PEX13: variants seen among roughly 807,000 people sequenced by gnomAD.
PEX13 encodes peroxisomal biogenesis factor 13.
A neutral mutation model predicts 34.5 loss-of-function variants in PEX13; 28 were observed. That is an observed-to-expected ratio of 0.81 (90% CI 0.60 to 1.11). The LOEUF (loss-of-function observed/expected upper bound fraction) is 1.11. Among genes scored for constraint, PEX13 ranks in the 50% most tolerant of loss-of-function variants. The pLI is 0.00. For missense variants in PEX13, 550 were observed against 491.0 expected, an observed-to-expected ratio of 1.12 and a Z score of -1.13; for synonymous variants, 177 against 175.1, an observed-to-expected ratio of 1.01 and a Z score of -0.09.
rs886056212 is a variant in PEX13 at position 61,051,810 on chromosome 2, AT to A, written c.*3044del. 19 of 152,450 alleles carry A rather than the reference AT, an allele frequency of 1.2e-4. No homozygotes were observed. The highest frequency in any genetic ancestry group is 2.6e-4 in the Non-Finnish European group (18 of 68,014). 9.4% of individuals were successfully genotyped at this position (152,450 alleles called of 1,614,324 possible). A position where few individuals can be genotyped will look rare whatever the true frequency, so the allele number is the denominator to read the frequency against. Reference sequence around the variant, plus strand: ...GAACTATACATTTTCATGTTTTAACATTTTATGTACGTACTTGATTCTGTCT... The same window carrying A: ...GAACTATACATTTTCATGTTTTAACATTTATGTACGTACTTGATTCTGTCT... On this transcript the variant is annotated 3_prime_UTR_variant, in exon 4 of 4. Transcript: ENST00000295030.
intron 1 of PEX13, 124 bp downstream of exon 1, chr2:61,017,975 G>A: frequency 1.5e-6 from 2 of 1,322,188 alleles, no homozygotes; most frequent in Non-Finnish European, 2.1e-6. Flanking sequence ...CCAACCTTGG[G>A]GATAGGGGCC....
At chr2:61,035,971 G>A (rs561202292) in intron 2 of PEX13, among the ~76,000 whole-genome samples, 11 of 136,226 alleles carry the variant, frequency 8.1e-5, no homozygotes, top group South Asian at 4.7e-4. Context: ...CAACAAGAGC[G>A]AAACTCCATC....
rs1292002618 is a variant in PEX13 at position 61,024,525 on chromosome 2, T to C, written c.92+6674T>C. On this transcript the variant is annotated intron_variant, in intron 1 of 3. Transcript: ENST00000295030. ...TCTAATCTGGTATTAAACCAGTCAT[T>C]GAGGCCGGGTGCAGTGGCTCATGCC... 5.9e-5 allele frequency among the ~76,000 whole-genome samples: 9 copies of C among 152,306 alleles called. No individual in the cohort carries two copies. In the South Asian group the frequency reaches 1.2e-3, roughly 21 times the overall value.
chr2:61,032,049 T>G lies in PEX13; in HGVS notation c.723T>G (p.Ala241=), dbSNP rs1205501080. The G allele has an allele frequency of 6.2e-7, 1 of 1,613,920 alleles. No homozygotes were observed. The highest frequency in any genetic ancestry group is 1.1e-5 in the South Asian group (1 of 91,040). Reference sequence around the variant, plus strand: ...CTTGGCCAATATTCTTGTTCTTTGCTGTTATCCTTGGTGGTCCTTACCTCA... The same window carrying G: ...CTTGGCCAATATTCTTGTTCTTTGCGGTTATCCTTGGTGGTCCTTACCTCA... The part of the protein sequence containing the change: ...AKSWPIFLFF[A]VILGGPYLIW... The change falls in exon 2 of 4, where the codon GCT becomes GCG. Residue 241 remains alanine, a synonymous_variant. Transcript: ENST00000295030.
Position 61,049,637 on chromosome 2 carries a change from G to A in PEX13, c.*867G>A, listed in dbSNP as rs1285938151. 6.6e-6 allele frequency: 1 copy of A among 152,292 alleles called. No individual in the cohort carries two copies. The highest frequency in any genetic ancestry group is 1.9e-4 in the East Asian group (1 of 5,202). 9.4% of individuals were successfully genotyped at this position (152,292 alleles called of 1,614,324 possible). ...AAAAATACAAAATTAGCTAGGTGTG[G>A]TGGCACATGCCTGTAATCCCAGCTA... is the stretch of plus-strand genomic sequence containing the variant. On this transcript the variant is annotated 3_prime_UTR_variant, in exon 4 of 4. Coordinates refer to ENST00000295030, the MANE Select transcript of PEX13 (RefSeq NM_002618.4).
At chr2:61,045,609 T>G (rs1228914174) in intron 2 of PEX13, 117 bp from the exon 3 acceptor site, 2 of 773,478 alleles carry the variant, frequency 2.6e-6, no homozygotes, top group Admixed American at 2.1e-5. Context: ...TAGTTTTTAC[T>G]TGGGAGGGGA....
chr2:61,048,915 C>T lies in PEX13; in HGVS notation c.*145C>T, dbSNP rs929021678. 1 of 706,998 alleles carries T rather than the reference C, an allele frequency of 1.4e-6. No homozygotes were observed. The highest frequency in any genetic ancestry group is 1.8e-5 in the African/African-American group (1 of 56,368). 43.8% of individuals were successfully genotyped at this position (706,998 alleles called of 1,614,324 possible). A position where few individuals can be genotyped will look rare whatever the true frequency, so the allele number is the denominator to read the frequency against. On this transcript the variant is annotated 3_prime_UTR_variant, in exon 4 of 4. Coordinates refer to ENST00000295030, the MANE Select transcript of PEX13 (RefSeq NM_002618.4). ...TTGCTGCTAGAAATTATTAAAGTTA[C>T]ACACTAGTATGTTGGTCTGGTGACC...
intron 1 of PEX13, among the ~76,000 whole-genome samples, chr2:61,025,293 AC>A (rs1330429209): frequency 6.7e-6 from 1 of 149,396 alleles, no homozygotes; most frequent in Non-Finnish European, 1.5e-5. Flanking sequence ...CTGGTCTTGA[AC>A]TCCTGACCTC....
At chr2:61,030,538 A>C (rs1573552711) in intron 1 of PEX13, among the ~76,000 whole-genome samples, 1 of 152,230 alleles carries the variant, frequency 6.6e-6, no homozygotes, top group Non-Finnish European at 1.5e-5. Context: ...AAGCACAGGA[A>C]TGCTGTAGTG....
At chr2:61,027,769 C>G (rs904856724) in intron 1 of PEX13, among the ~76,000 whole-genome samples, 2 of 152,132 alleles carry the variant, frequency 1.3e-5, no homozygotes, top group African/African-American at 4.8e-5. Context: ...GTTTGTTTGT[C>G]TCTCTGTTTT....
At chr2:61,039,199 C>G (rs187495959) in intron 2 of PEX13, among the ~76,000 whole-genome samples, 4 of 152,226 alleles carry the variant, frequency 2.6e-5, no homozygotes, top group African/African-American at 9.6e-5. Context: ...AATGCTATCC[C>G]CATCAAGCTA....
At chr2:61,040,822 A>AATATATGTGTATATATATAAAAAAGTAT (rs1680613061) in intron 2 of PEX13, among the ~76,000 whole-genome samples, 2 of 147,974 alleles carry the variant, frequency 1.4e-5, no homozygotes, top group Admixed American at 6.8e-5. Flanking sequence ...GTATATATAT[A>AATATATGTGTATATATATAAAAAAGTAT]ATATATGTGT....
chr2:61,018,362 C>T, intron 1 of PEX13: 2 of 1,489,706 alleles, frequency 1.3e-6, no homozygotes, highest in Non-Finnish European at 1.8e-6. Flanking sequence ...ATAACTCAGC[C>T]AGTGTTTCGG....
At chr2:61,030,074 C>G (rs536504305) in intron 1 of PEX13, among the ~76,000 whole-genome samples, 8 of 152,160 alleles carry the variant, frequency 5.3e-5, no homozygotes, top group Admixed American at 2.6e-4. Flanking sequence ...ACCACTCCCC[C>G]ACAGATACCA....
intron 1 of PEX13, among the ~76,000 whole-genome samples, chr2:61,029,286 A>G (rs1330271565): frequency 2.0e-5 from 3 of 152,208 alleles, no homozygotes; most frequent in African/African-American, 7.2e-5. Flanking sequence ...TTAAAACCAC[A>G]GTGAAATACC....
chr2:61,048,171 T>C (rs1680738432), intron 3 of PEX13, among the ~76,000 whole-genome samples: 1 of 152,232 alleles, frequency 6.6e-6, no homozygotes, highest in Non-Finnish European at 1.5e-5. Flanking sequence ...AAGACATTGA[T>C]GTTAGTTTTC....
chr2:61,017,920 A>G, intron 1 of PEX13, 69 bp downstream of exon 1: 1 of 1,469,998 alleles, frequency 6.8e-7, no homozygotes. Context: ...AGGCGGTTGT[A>G]GCGGTTGTTA....
chr2:61,019,404 A>G (rs1055482849), intron 1 of PEX13, among the ~76,000 whole-genome samples: 2 of 151,758 alleles, frequency 1.3e-5, no homozygotes, highest in African/African-American at 4.8e-5. Flanking sequence ...TTTATGTTCA[A>G]TTTTTTGTAC....
intron 1 of PEX13, among the ~76,000 whole-genome samples, chr2:61,027,658 A>G (rs913653682): frequency 1.3e-5 from 2 of 152,242 alleles, no homozygotes; most frequent in Non-Finnish European, 2.9e-5. Context: ...TTACAGAACC[A>G]GAATTGAGTA....
Sources: allele counts gnomAD v4.1 joint callset (sites outside exome capture counted in the v4.1 genomes callset), GRCh38; gene constraint gnomAD v4.1.1; transcripts MANE v1.5; gene names NCBI Gene and HGNC (gene_info 2026-07-23, HGNC 2026-07-21).